Variants in BTD observed in about 807,000 individuals in gnomAD.
BTD encodes the protein biotinidase, also known as biocytinase.
In BTD, 13 loss-of-function variants were observed where a neutral mutation model predicts 17.7. The ratio of observed to expected loss-of-function variants is 0.74; its 90% CI spans 0.48 to 1.17. The LOEUF (loss-of-function observed/expected upper bound fraction) is 1.17, where lower values mean the gene tolerates loss of function less well. Among genes scored for constraint, BTD ranks in the 50% most tolerant of loss-of-function variants. The pLI, the probability that BTD is intolerant of heterozygous loss-of-function variation, is 0.00. For missense variants in BTD, 674 were observed against 650.4 expected (o/e 1.04, Z -0.39); for synonymous variants, 240 against 245.2 (o/e 0.98, Z 0.20).
intron 3 of BTD, among the ~76,000 whole-genome samples, chr3:15,707,312 ATAT>A (rs2126020630): frequency 6.6e-6 from 1 of 152,328 alleles, no homozygotes; most frequent in East Asian, 1.9e-4. Flanking sequence ...CTTTAGGTGA[ATAT>A]TATTATACTT....
At chr3:15,633,594 T>A (rs996606397) in intron 1 of BTD, among the ~76,000 whole-genome samples, 3 of 152,276 alleles carry the variant, frequency 2.0e-5, no homozygotes, top group East Asian at 1.9e-4. Flanking sequence ...AGCTCTCAGT[T>A]GAGAAAGAGA....
chr3:15,619,076 T>C (rs762676455), intron 1 of BTD, among the ~76,000 whole-genome samples: 9 of 152,226 alleles, frequency 5.9e-5, no homozygotes, highest in Admixed American at 2.0e-4. Context: ...GGACTTACGG[T>C]ATGATGTTGA....
chr3:15,662,529 GATC>G (rs1477134930), intron 3 of BTD, among the ~76,000 whole-genome samples: 1 of 152,162 alleles, frequency 6.6e-6, no homozygotes, highest in African/African-American at 2.4e-5. Context: ...CTACATAAAT[GATC>G]ATGTCATTTG....
At chr3:15,680,664 T>C (rs914637082) in intron 3 of BTD, among the ~76,000 whole-genome samples, 16 of 152,102 alleles carry the variant, frequency 1.1e-4, no homozygotes, top group African/African-American at 3.9e-4. Flanking sequence ...TATTTTTTTA[T>C]TTTATTAAAA....
Position 15,614,125 on chromosome 3 carries a change from C to CT in BTD, c.-17+12247dup, listed in dbSNP as rs869148702. Among the ~76,000 whole-genome samples the CT allele has an allele frequency of 1.2e-3, 150 of 125,310 alleles. 3 individuals carry two copies. In the East Asian group the frequency reaches 0.019, roughly 16 times the overall value. 82.2% of individuals were successfully genotyped at this position (125,310 alleles called of 152,430 possible). A position where few individuals can be genotyped will look rare whatever the true frequency, so the allele number is the denominator to read the frequency against. On this transcript the variant is annotated intron_variant, in intron 1 of 3. Coordinates refer to ENST00000643237, the MANE Select transcript of BTD (RefSeq NM_001370658.1). ...GTATTTTCTCCCTCTTTCTTTCTTT[C>CT]TTTTTTTTTTTTTTTTAAGTCAAGG...
chr3:15,606,931 T>G (rs1376581740), intron 1 of BTD: 3 of 149,994 alleles, frequency 2.0e-5, no homozygotes. Context: ...CACCGACCCT[T>G]TTTTTTGTTG....
Position 15,650,663 on chromosome 3 carries a change from G to T in BTD, c.*5175G>T, listed in dbSNP as rs1206507001. Among the ~76,000 whole-genome samples, 1 of 152,192 alleles carries T rather than the reference G, an allele frequency of 6.6e-6. No homozygotes were observed. Among genetic ancestry groups the T allele is most frequent in the Admixed American group, 6.5e-5 (1 of 15,286 alleles). On this transcript the variant is annotated 3_prime_UTR_variant, in exon 4 of 4. Coordinates refer to ENST00000643237, the MANE Select transcript of BTD (RefSeq NM_001370658.1). ...CCCTCTCAGCAGCTCTAGAGAAGAA[G>T]CTCCTCTTTTTACACAGTCCCTAAT... is the stretch of plus-strand genomic sequence containing the variant.
At chr3:15,643,046 A>AG in intron 3 of BTD, among the ~76,000 whole-genome samples, 1 of 66,202 alleles carries the variant, frequency 1.5e-5, no homozygotes, top group African/African-American at 9.9e-5. Flanking sequence ...AAAAAAAAAT[A>AG]AAATAAAATA....
intron 3 of BTD, among the ~76,000 whole-genome samples, chr3:15,661,265 CAAAAAAAA>C (rs56165902): frequency 1.5e-4 from 14 of 93,756 alleles, no homozygotes; most frequent in African/African-American, 2.0e-4. Flanking sequence ...GACTCTGTCT[CAAAAAAAA>C]AAAAAAAAAA....
intron 1 of BTD, among the ~76,000 whole-genome samples, chr3:15,623,929 A>G (rs2065010607): frequency 6.6e-6 from 1 of 152,174 alleles, no homozygotes; most frequent in South Asian, 2.1e-4. Context: ...TTCTTCATAA[A>G]TTACCCAGCT....
intron 1 of BTD, among the ~76,000 whole-genome samples, chr3:15,608,313 TTTTTG>T (rs571996591): frequency 1.3e-5 from 2 of 152,152 alleles, no homozygotes; most frequent in African/African-American, 4.8e-5. Flanking sequence ...GTTTTGGGTT[TTTTTG>T]TTTTTTGTGT....
In BTD at chr3:15,601,805, T is replaced by C. The variant is rs1490987308; in HGVS notation, c.-106T>C. On this transcript the variant is annotated 5_prime_UTR_variant, in exon 1 of 4. Transcript: ENST00000643237. ...CGAACTCTGAGGCCTCTCGCCATTG[T>C]CTCCGAGTCGGCCAGCTGGAGCGTT... 2 of 1,613,990 alleles carry C rather than the reference T, an allele frequency of 1.2e-6. No homozygotes were observed. The highest frequency in any genetic ancestry group is 2.2e-5 in the East Asian group (1 of 44,878).
intron 3 of BTD, chr3:15,677,546 ACTG>A (rs1396890268): frequency 6.2e-7 from 1 of 1,612,034 alleles, no homozygotes; most frequent in South Asian, 1.1e-5. Context: ...CTGCACTAGC[ACTG>A]CTAACCAGCA....
intron 1 of BTD, among the ~76,000 whole-genome samples, chr3:15,605,606 T>C (rs1254777352): frequency 6.6e-6 from 1 of 152,194 alleles, no homozygotes; most frequent in Admixed American, 6.5e-5. Flanking sequence ...TATTGAGATA[T>C]AATAAAGATA....
At chr3:15,661,191 G>A (rs1197969469) in intron 3 of BTD, among the ~76,000 whole-genome samples, 7 of 149,760 alleles carry the variant, frequency 4.7e-5, no homozygotes, top group Admixed American at 1.3e-4. Context: ...ACTTGAACCC[G>A]GGAGGTGGAG....
intron 3 of BTD, among the ~76,000 whole-genome samples, chr3:15,671,966 AT>A (rs560149184): frequency 8.9e-4 from 135 of 152,222 alleles, no homozygotes; most frequent in Non-Finnish European, 1.5e-3. Context: ...TTTGTGTAGC[AT>A]TATATGAAAT....
At chr3:15,707,365 A>T (rs2071597674) in intron 3 of BTD, among the ~76,000 whole-genome samples, 1 of 152,200 alleles carries the variant, frequency 6.6e-6, no homozygotes, top group South Asian at 2.1e-4. Flanking sequence ...GTTTTCACTT[A>T]TTCATTCTTG....
At chr3:15,714,389 G>A (rs536620340), downstream of BTD, among the ~76,000 whole-genome samples, 32 of 151,790 alleles carry the variant, frequency 2.1e-4, no homozygotes, top group Admixed American at 5.9e-4. Flanking sequence ...AAAAACAAAA[G>A]TATGAAAGAT....
chr3:15,718,990 A>G (rs1414449420), intron 4 of BTD, among the ~76,000 whole-genome samples: 1 of 152,240 alleles, frequency 6.6e-6, no homozygotes, highest in Non-Finnish European at 1.5e-5. Flanking sequence ...TTCAAATTAA[A>G]ATAAGCAGTT....
Sources: allele counts gnomAD v4.1 joint callset (sites outside exome capture counted in the v4.1 genomes callset), GRCh38; gene constraint gnomAD v4.1.1; transcripts MANE v1.5; gene names NCBI Gene and HGNC (gene_info 2026-07-23, HGNC 2026-07-21).